Variants in ERBB4 observed in about 807,000 individuals in gnomAD.
The protein encoded by ERBB4 is receptor tyrosine-protein kinase erbB-4.
A neutral mutation model predicts 158.0 loss-of-function variants in ERBB4; 42 were observed. That is an observed-to-expected ratio of 0.27 (90% CI 0.21 to 0.34). The LOEUF is 0.34. ERBB4 is among the 10% of genes least tolerant of loss of function. The pLI, the probability that ERBB4 is intolerant of heterozygous loss-of-function variation, is 1.00. For synonymous variants in ERBB4, 583 were observed against 558.7 expected, an observed-to-expected ratio of 1.04 and a Z score of -0.61; for missense variants, 1,333 against 1,624.1, an observed-to-expected ratio of 0.82 and a Z score of 3.08.
intron 1 of ERBB4, among the ~76,000 whole-genome samples, chr2:212,533,987 G>C (rs1353567183): frequency 6.6e-6 from 1 of 152,152 alleles, no homozygotes; most frequent in African/African-American, 2.4e-5. Context: ...AAATTAAACA[G>C]AGCAAGTACC....
chr2:212,296,413 A>G (rs961868238), intron 1 of ERBB4, among the ~76,000 whole-genome samples: 11 of 151,992 alleles, frequency 7.2e-5, no homozygotes, highest in Admixed American at 1.3e-4. Context: ...AAAAAAAGAC[A>G]TTGACATATT....
At chr2:212,209,804 A>G (rs2082875577) in intron 1 of ERBB4, among the ~76,000 whole-genome samples, 1 of 152,172 alleles carries the variant, frequency 6.6e-6, no homozygotes, top group Admixed American at 6.6e-5. Context: ...GTTCTCTTTT[A>G]GAGAAACTAA....
chr2:211,665,312 A>G lies in ERBB4; in HGVS notation c.1871+11T>C, dbSNP rs1471892228. On this transcript the variant is annotated intron_variant, in intron 15 of 27. Transcript: ENST00000342788. ...ATACCAGGTGAGCCCTTGGCCAGCA[A>G]GAATGCTTACCCTTGGGTGCAGTTT... 1.9e-6 allele frequency: 3 copies of G among 1,614,094 alleles called. No individual in the cohort carries two copies. The highest frequency in any genetic ancestry group is 2.2e-5 in the East Asian group (1 of 44,866).
At chr2:212,285,104 T>A (rs2085911452) in intron 1 of ERBB4, among the ~76,000 whole-genome samples, 1 of 152,142 alleles carries the variant, frequency 6.6e-6, no homozygotes, top group African/African-American at 2.4e-5. Flanking sequence ...GATATTTACA[T>A]CAATATGATC....
chr2:211,426,810 G>GATATA (rs564130792), intron 22 of ERBB4, among the ~76,000 whole-genome samples: 2 of 150,900 alleles, frequency 1.3e-5, no homozygotes, highest in African/African-American at 4.9e-5. Flanking sequence ...TATACTATAT[G>GATATA]ATATAATATA....
intron 20 of ERBB4, among the ~76,000 whole-genome samples, chr2:211,525,800 G>A (rs1208895917): frequency 6.6e-6 from 1 of 152,116 alleles, no homozygotes; most frequent in African/African-American, 2.4e-5. Context: ...ATCAGCGAGA[G>A]TCTGGCAATA....
At chr2:211,586,675 T>C (rs1308749580) in intron 19 of ERBB4, among the ~76,000 whole-genome samples, 1 of 152,138 alleles carries the variant, frequency 6.6e-6, no homozygotes, top group East Asian at 1.9e-4. Context: ...TGTTTTTGAG[T>C]CTATTCTGGT....
At chr2:212,124,675 C>G in intron 2 of ERBB4, 77 bp downstream of exon 2, 1 of 1,508,446 alleles carries the variant, frequency 6.6e-7, no homozygotes, top group Middle Eastern at 1.8e-4. Flanking sequence ...TTCCAGGTAT[C>G]AGCACACAGG....
intron 20 of ERBB4, among the ~76,000 whole-genome samples, chr2:211,546,033 A>C (rs888180232): frequency 1.5e-4 from 23 of 152,068 alleles, no homozygotes; most frequent in African/African-American, 5.3e-4. Flanking sequence ...TTTTGTTCAT[A>C]TTTTACCTTA....
At chr2:211,700,332 G>C (rs182436772) in intron 12 of ERBB4, among the ~76,000 whole-genome samples, 1 of 152,136 alleles carries the variant, frequency 6.6e-6, no homozygotes, top group Admixed American at 6.5e-5. Flanking sequence ...AAATAACACA[G>C]GCCAAATGAA....
intron 3 of ERBB4, among the ~76,000 whole-genome samples, chr2:211,821,219 T>C (rs1276725530): frequency 6.6e-6 from 1 of 151,348 alleles, no homozygotes; most frequent in Non-Finnish European, 1.5e-5. Context: ...AACATACAAA[T>C]AACAAACCAG....
intron 17 of ERBB4, among the ~76,000 whole-genome samples, chr2:211,625,681 G>T (rs73080708): frequency 6.6e-6 from 1 of 152,046 alleles, no homozygotes; most frequent in African/African-American, 2.4e-5. Flanking sequence ...TCATTTGAAG[G>T]CAACTCAACC....
intron 9 of ERBB4, among the ~76,000 whole-genome samples, chr2:211,706,670 T>C (rs1218213332): frequency 6.6e-6 from 1 of 151,484 alleles, no homozygotes; most frequent in African/African-American, 2.4e-5. Flanking sequence ...GTGCAATCAA[T>C]ACAATGTACT....
chr2:211,657,718 A>C, intron 16 of ERBB4, 36 bp downstream of exon 16: 2 of 1,532,310 alleles, frequency 1.3e-6, no homozygotes, highest in Non-Finnish European at 1.8e-6. Flanking sequence ...CTAGGAAAGG[A>C]TTTGAGCGAC....
At chr2:212,063,713 TAAAC>T (rs1318492301) in intron 2 of ERBB4, among the ~76,000 whole-genome samples, 1 of 151,842 alleles carries the variant, frequency 6.6e-6, no homozygotes, top group Non-Finnish European at 1.5e-5. Flanking sequence ...ATCAACGAAA[TAAAC>T]AAAAAGCCAT....
intron 17 of ERBB4, among the ~76,000 whole-genome samples, chr2:211,628,747 T>G (rs1477977974): frequency 6.6e-6 from 1 of 152,222 alleles, no homozygotes; most frequent in Non-Finnish European, 1.5e-5. Flanking sequence ...ATCACCACAC[T>G]GACTTCCACA....
intron 3 of ERBB4, among the ~76,000 whole-genome samples, chr2:211,860,272 T>A (rs1177136044): frequency 6.6e-6 from 1 of 152,202 alleles, no homozygotes; most frequent in Non-Finnish European, 1.5e-5. Flanking sequence ...GCTTTTAAGT[T>A]ACTCCAATTA....
intron 3 of ERBB4, among the ~76,000 whole-genome samples, chr2:211,861,048 TTTATATATA>T (rs1559585388): frequency 2.1e-4 from 2 of 9,482 alleles, no homozygotes; most frequent in South Asian, 2.4e-3. Context: ...TATTTATATA[TTTATATATA>T]TATAAATATA....
chr2:211,383,380 C>A lies in ERBB4; in HGVS notation c.*235G>T. The A allele has an allele frequency of 1.9e-6, 1 of 536,986 alleles. No homozygotes were observed. The highest frequency in any genetic ancestry group is 3.3e-6 in the Non-Finnish European group (1 of 298,686). 33.3% of individuals were successfully genotyped at this position (536,986 alleles called of 1,614,324 possible). A position where few individuals can be genotyped will look rare whatever the true frequency, so the allele number is the denominator to read the frequency against. The stretch of plus-strand genomic sequence containing the variant: ...TTCTCTAGCTGTTTCATTCTCCTGA[C>A]CAACCCATGCAGAGAAATGAAGAAA... On this transcript the variant is annotated 3_prime_UTR_variant, in exon 28 of 28. Coordinates refer to ENST00000342788, the MANE Select transcript of ERBB4 (RefSeq NM_005235.3).
Sources: gnomAD v4.1 joint callset for allele counts (sites outside exome capture counted in the v4.1 genomes callset) on GRCh38, gnomAD v4.1.1 for gene constraint, MANE v1.5 for transcripts, NCBI Gene and HGNC (gene_info 2026-07-23, HGNC 2026-07-21) for gene names.